The following RIMBP2 variants were observed in gnomAD, a reference collection of about 807,000 sequenced individuals.
RIMBP2 encodes the protein RIMS binding protein 2.
A neutral mutation model predicts 118.6 loss-of-function variants in RIMBP2; 48 were observed. That is an observed-to-expected ratio of 0.40 (90% CI 0.32 to 0.51). The LOEUF (loss-of-function observed/expected upper bound fraction) is 0.51, where lower values mean the gene tolerates loss of function less well. Ranked by LOEUF, RIMBP2 falls within the 20% of genes least tolerant of loss-of-function variation. The pLI is 0.41. For missense variants in RIMBP2, 1,551 were observed against 1,768.3 expected, an observed-to-expected ratio of 0.88 and a Z score of 2.20; for synonymous variants, 762 against 742.9, an observed-to-expected ratio of 1.03 and a Z score of -0.42.
At chr12:130,645,773 A>G (rs1476340109) in intron 1 of RIMBP2, among the ~76,000 whole-genome samples, 2 of 152,144 alleles carry the variant, frequency 1.3e-5, no homozygotes, top group African/African-American at 2.4e-5. Flanking sequence ...GGTTATTTAA[A>G]CTTACACATG....
At chr12:130,574,271 GGGT>G (rs2057918558) in intron 2 of RIMBP2, among the ~76,000 whole-genome samples, 1 of 152,092 alleles carries the variant, frequency 6.6e-6, no homozygotes, top group African/African-American at 2.4e-5. Flanking sequence ...CCTGTTGGGG[GGGT>G]GGCGGTGGGC....
At chr12:130,504,969 C>A (rs937868691) in intron 4 of RIMBP2, among the ~76,000 whole-genome samples, 10 of 152,234 alleles carry the variant, frequency 6.6e-5, no homozygotes, top group Non-Finnish European at 1.5e-4. Flanking sequence ...AGACTCTCCG[C>A]TAAGCTCCTT....
intron 9 of RIMBP2, 31 bp from the exon 10 acceptor site, chr12:130,445,300 G>C (rs2078434981): frequency 1.3e-6 from 2 of 1,527,586 alleles, no homozygotes; most frequent in Non-Finnish European, 1.8e-6. Context: ...CTTCATTAGA[G>C]GCTCTGGAGG....
intron 4 of RIMBP2, among the ~76,000 whole-genome samples, chr12:130,504,294 G>A (rs1045091679): frequency 2.0e-5 from 3 of 152,134 alleles, no homozygotes; most frequent in Non-Finnish European, 4.4e-5. Flanking sequence ...CTGTGAGCCG[G>A]CCCTCAGGCA....
At chr12:130,405,053 G>C (rs1385225237) in intron 21 of RIMBP2, among the ~76,000 whole-genome samples, 1 of 152,106 alleles carries the variant, frequency 6.6e-6, no homozygotes, top group Non-Finnish European at 1.5e-5. Context: ...TTTACATGTG[G>C]AAAGTGAAAC....
intron 2 of RIMBP2, among the ~76,000 whole-genome samples, chr12:130,537,256 C>G (rs909821717): frequency 1.3e-5 from 2 of 152,204 alleles, no homozygotes; most frequent in Non-Finnish European, 2.9e-5. Context: ...CAAGCAGACA[C>G]GAGGCCATAG....
intron 1 of RIMBP2, among the ~76,000 whole-genome samples, chr12:130,674,153 C>G (rs1380056215): frequency 6.6e-6 from 1 of 151,982 alleles, no homozygotes; most frequent in African/African-American, 2.4e-5. Context: ...TGTGGCGCCT[C>G]CTCCTTTCCT....
At chr12:130,604,503 TCACTCAC>T (rs2060055376) in intron 2 of RIMBP2, among the ~76,000 whole-genome samples, 3 of 74,144 alleles carry the variant, frequency 4.0e-5, no homozygotes, top group Non-Finnish European at 8.2e-5. Context: ...ACTCACTCAC[TCACTCAC>T]TCACTCACCA....
rs1041972092 is a variant in RIMBP2 at position 130,469,337 on chromosome 12, C to T, written c.153+1356G>A. On this transcript the variant is annotated intron_variant, in intron 6 of 22. Coordinates refer to ENST00000690449, the MANE Select transcript of RIMBP2 (RefSeq NM_001393629.1). This position sits in a 1 kb window ranked among gnomAD's most constrained non-coding sequence, Gnocchi z 4.8. The stretch of plus-strand genomic sequence containing the variant: ...AGCAGCACGGGGTGACAGGTGACAG[C>T]GGGATCATGGTGGAGCAGTCCCTCA... Among the ~76,000 whole-genome samples, 8 of 152,240 alleles carry T rather than the reference C, an allele frequency of 5.3e-5. No individual in the cohort carries two copies. Among genetic ancestry groups the T allele is most frequent in the Middle Eastern group, 3.4e-3 (1 of 294 alleles).
intron 1 of RIMBP2, among the ~76,000 whole-genome samples, chr12:130,678,370 G>T (rs12371091): frequency 0.27 from 41,075 of 152,210 alleles, 6,913 homozygotes; most frequent in Non-Finnish European, 0.38. Flanking sequence ...ATAGGTGGAC[G>T]AGCGGATCGT....
At chr12:130,556,654 C>T (rs1428438797) in intron 2 of RIMBP2, among the ~76,000 whole-genome samples, 3 of 152,208 alleles carry the variant, frequency 2.0e-5, no homozygotes, top group Non-Finnish European at 2.9e-5. Context: ...AAACACCCCA[C>T]CAGGAAGGAA....
At chr12:130,515,374 TC>T (rs1189066592) in intron 3 of RIMBP2, among the ~76,000 whole-genome samples, 4 of 151,946 alleles carry the variant, frequency 2.6e-5, no homozygotes, top group African/African-American at 7.2e-5. Flanking sequence ...CATCTCCCTA[TC>T]CCCCCTCTAC....
At chr12:130,501,446 T>C (rs2049769001) in intron 4 of RIMBP2, among the ~76,000 whole-genome samples, 1 of 152,200 alleles carries the variant, frequency 6.6e-6, no homozygotes, top group Non-Finnish European at 1.5e-5. Flanking sequence ...GGGGTTGGAC[T>C]CTGGACCACA....
At chr12:130,666,034 G>A (rs539528553) in intron 1 of RIMBP2, among the ~76,000 whole-genome samples, 2 of 152,164 alleles carry the variant, frequency 1.3e-5, no homozygotes, top group Non-Finnish European at 2.9e-5. Context: ...GAAAGACAAA[G>A]CTAACAGGAC....
intron 2 of RIMBP2, among the ~76,000 whole-genome samples, chr12:130,627,661 T>C (rs1018065199): frequency 1.3e-5 from 2 of 152,080 alleles, no homozygotes; most frequent in African/African-American, 4.8e-5. Flanking sequence ...GTCCTCCCCT[T>C]CCACCATGCA....
At chr12:130,481,890 G>C (rs554974956) in intron 4 of RIMBP2, among the ~76,000 whole-genome samples, 1 of 151,804 alleles carries the variant, frequency 6.6e-6, no homozygotes, top group African/African-American at 2.4e-5. Context: ...CATTTCTAAC[G>C]GTCTCTTTCC....
intron 1 of RIMBP2, among the ~76,000 whole-genome samples, chr12:130,650,958 TAA>T (rs397700189): frequency 3.5e-4 from 44 of 125,612 alleles, no homozygotes; most frequent in African/African-American, 1.1e-3. Context: ...TTGTTTTTTT[TAA>T]AAAAAAAAAA....
chr12:130,678,132 GC>G (rs1441793553), intron 1 of RIMBP2, among the ~76,000 whole-genome samples: 4 of 152,218 alleles, frequency 2.6e-5, no homozygotes. Flanking sequence ...AAACCTGGGT[GC>G]AGCCTCTATG....
chr12:130,643,491 A>G (rs901699), intron 1 of RIMBP2, among the ~76,000 whole-genome samples: 136,997 of 152,228 alleles, frequency 0.9, 62,102 homozygotes, highest in Non-Finnish European at 0.96. Context: ...GACTGGGGAC[A>G]GGAGAGCTGT....
Sources: gnomAD v4.1 joint callset for allele counts (sites outside exome capture counted in the v4.1 genomes callset) on GRCh38, gnomAD v4.1.1 for gene constraint, Gnocchi (gnomAD v3.1) non-coding constraint, MANE v1.5 for transcripts, NCBI Gene and HGNC (gene_info 2026-07-23, HGNC 2026-07-21) for gene names.